RGS12: variants seen among roughly 807,000 people sequenced by gnomAD.
The protein encoded by RGS12 is regulator of G-protein signaling 12.
In RGS12, 66 loss-of-function variants were observed where a neutral mutation model predicts 120.1. That is an observed-to-expected ratio of 0.55 (90% CI 0.45 to 0.67). The LOEUF is 0.67. RGS12 is among the 30% of genes least tolerant of loss of function. RGS12 has a pLI of 0.00. For missense variants in RGS12, 1,859 were observed against 1,957.7 expected (o/e 0.95, Z 0.95); for synonymous variants, 827 against 804.7 (o/e 1.03, Z -0.47).
At chr4:3,288,117 C>T (rs1050897682), upstream of RGS12, among the ~76,000 whole-genome samples, 18 of 152,234 alleles carry the variant, frequency 1.2e-4, no homozygotes, top group African/African-American at 2.9e-4. This position sits in a 1 kb window ranked among gnomAD's most constrained non-coding sequence, Gnocchi z 5.2. Context: ...TTGCTCTGAG[C>T]GCACACAAGG....
intron 2 of RGS12, among the ~76,000 whole-genome samples, chr4:3,328,619 G>T (rs566128313): frequency 6.6e-6 from 1 of 152,262 alleles, no homozygotes; most frequent in East Asian, 1.9e-4. Context: ...ATAGCAACAG[G>T]AAATGGACTA....
At chr4:3,323,183 G>A (rs900257222) in intron 2 of RGS12, among the ~76,000 whole-genome samples, 1 of 152,254 alleles carries the variant, frequency 6.6e-6, no homozygotes, top group South Asian at 2.1e-4. Context: ...GCACCAGGCT[G>A]GGGGGCCTCT....
upstream of RGS12, among the ~76,000 whole-genome samples, chr4:3,288,125 A>G (rs572894674): frequency 1.3e-5 from 2 of 152,302 alleles, no homozygotes; most frequent in African/African-American, 4.8e-5. This position sits in a 1 kb window ranked among gnomAD's most constrained non-coding sequence, Gnocchi z 5.2. Flanking sequence ...AGCGCACACA[A>G]GGATTCGATG....
chr4:3,323,943 A>G (rs1725384873), intron 2 of RGS12: 1 of 151,442 alleles, frequency 6.6e-6, no homozygotes. Flanking sequence ...AATTTGTGTT[A>G]TTTTGATGTA....
chr4:3,376,247 AAC>A (rs55666879), intron 3 of RGS12, among the ~76,000 whole-genome samples: 7,951 of 143,312 alleles, frequency 0.055, 255 homozygotes, highest in African/African-American at 0.1. Flanking sequence ...AGCTCCTTGG[AAC>A]ACACACACAC....
At chr4:3,432,405 G>A (rs559480850) in intron 17 of RGS12, among the ~76,000 whole-genome samples, 304 of 152,364 alleles carry the variant, frequency 2.0e-3, no homozygotes, top group African/African-American at 6.9e-3. Context: ...TGGTGGCCCG[G>A]TGGCGGGTGC....
chr4:3,356,050 AT>A (rs35966486), intron 3 of RGS12, among the ~76,000 whole-genome samples: 60,851 of 123,326 alleles, frequency 0.49, 14,682 homozygotes, highest in African/African-American at 0.63. Flanking sequence ...ATCTTTTTCA[AT>A]TTTTTTTTTT....
chr4:3,291,876 C>G (rs1005861366), upstream of RGS12, among the ~76,000 whole-genome samples: 8 of 152,342 alleles, frequency 5.3e-5, no homozygotes, highest in African/African-American at 1.9e-4. Flanking sequence ...CCAGCGGGAA[C>G]CCTGCTGGAC....
At chr4:3,362,863 G>A (rs867073316) in intron 3 of RGS12, among the ~76,000 whole-genome samples, 11 of 125,212 alleles carry the variant, frequency 8.8e-5, no homozygotes, top group Admixed American at 1.6e-4. Flanking sequence ...GTGTGTGTGT[G>A]CGAGGGTGTG....
intron 4 of RGS12, among the ~76,000 whole-genome samples, chr4:3,405,666 T>A (rs923845905): frequency 6.6e-6 from 1 of 152,184 alleles, no homozygotes; most frequent in Admixed American, 6.5e-5. Context: ...AAATCTACAC[T>A]GACGTGTTTA....
intron 3 of RGS12, among the ~76,000 whole-genome samples, chr4:3,356,666 C>T (rs1578805882): frequency 6.6e-6 from 1 of 151,832 alleles, no homozygotes; most frequent in Admixed American, 6.6e-5. Flanking sequence ...TTGTAACTGG[C>T]TTATTTCACT....
chr4:3,327,921 C>T (rs1725671445), intron 2 of RGS12, among the ~76,000 whole-genome samples: 1 of 152,168 alleles, frequency 6.6e-6, no homozygotes, highest in African/African-American at 2.4e-5. Flanking sequence ...ATCATTATAT[C>T]AAAAAGATAC....
rs1725174949 is a variant in RGS12, at chr4:3,439,871, C to A, written c.*187C>A. On this transcript the variant is annotated 3_prime_UTR_variant, in exon 18 of 18. Transcript: ENST00000336727. The stretch of plus-strand genomic sequence containing the variant: ...CCATGCTGGCCATGGGGCTCCCTGG[C>A]CCTGGCCTCCTGCTGCCCAATAAAG... 1.8e-6 allele frequency: 1 copy of A among 557,074 alleles called. No homozygotes were observed. Among genetic ancestry groups the A allele is most frequent in the East Asian group, 3.3e-5 (1 of 30,682 alleles). 34.5% of individuals were successfully genotyped at this position (557,074 alleles called of 1,614,324 possible).
At position 3,365,704 on chromosome 4, in the gene RGS12, T is replaced by C. The variant is rs1441268755; in HGVS notation, c.1999-20712T>C. Among the ~76,000 whole-genome samples, 3 of 152,224 alleles carry C rather than the reference T, an allele frequency of 2.0e-5. No individual in the cohort carries two copies. Among genetic ancestry groups the C allele is most frequent in the African/African-American group, 7.2e-5 (3 of 41,452 alleles). On this transcript the variant is annotated intron_variant, in intron 3 of 17. Coordinates refer to ENST00000336727, the MANE Select transcript of RGS12 (RefSeq NM_001394154.1). The surrounding 1 kb of genome is among the most constrained non-coding windows in gnomAD (Gnocchi z 4.0). The stretch of plus-strand genomic sequence containing the variant: ...CTTTCAGAATAAGCTCCTTTTACCC[T>C]GTCTCTTAGGTTTGCGACTTTGCTA...
intron 1 of RGS12, among the ~76,000 whole-genome samples, chr4:3,309,007 A>C (rs1403845205): frequency 1.4e-5 from 2 of 147,120 alleles, no homozygotes; most frequent in Admixed American, 1.3e-4. Flanking sequence ...GGAACCGGGC[A>C]GGGGAGGAGC....
rs2281470 is a variant in RGS12, at chr4:3,317,826, C to T, written c.1656C>T (p.Ser552=). The T allele has an allele frequency of 0.088, 141,656 of 1,612,872 alleles. 9,055 individuals carry two copies. The highest frequency in any genetic ancestry group is 0.34 in the East Asian group (15,223 of 44,816). The change falls in exon 2 of 18, where the codon AGC becomes AGT. Residue 552 remains serine, a synonymous_variant. Coordinates refer to ENST00000336727, the MANE Select transcript of RGS12 (RefSeq NM_001394154.1). ...VLREWQCGHT[S]DQDSYTDSTD... Reference sequence around the variant, plus strand: ...GGGAGTGGCAGTGCGGACACACCAGCGACCAGGACTCTTACACAGATTCCA... The same window carrying T: ...GGGAGTGGCAGTGCGGACACACCAGTGACCAGGACTCTTACACAGATTCCA...
chr4:3,393,313 G>A (rs1207205517), intron 4 of RGS12, among the ~76,000 whole-genome samples: 2 of 152,204 alleles, frequency 1.3e-5, no homozygotes, highest in Non-Finnish European at 2.9e-5. Context: ...GCAGCCCCCG[G>A]CTGATCTTTG....
At position 3,416,900 on chromosome 4, in the gene RGS12, ATCT is replaced by A; in HGVS notation, c.2428-9_2428-7del. On this transcript the variant is annotated splice_polypyrimidine_tract_variant and intron_variant, in intron 7 of 17. Transcript: ENST00000336727. ...CCCTCCTGTGACTGTCCCACCTTAC[ATCT>A]TCTCCCCAGATCTTCAATCTCATGA... 1 of 1,585,266 alleles carries A rather than the reference ATCT, an allele frequency of 6.3e-7. No homozygotes were observed. The highest frequency in any genetic ancestry group is 8.6e-7 in the Non-Finnish European group (1 of 1,158,592).
chr4:3,416,966 G>A lies in RGS12; in HGVS notation c.2481G>A (p.Leu827=), dbSNP rs755519434. Residue 827 remains leucine (L), a synonymous_variant, in exon 8 of 18, where the codon CTG becomes CTA. Coordinates refer to ENST00000336727, the MANE Select transcript of RGS12 (RefSeq NM_001394154.1). The stretch of plus-strand genomic sequence containing the variant: ...ACACTCGCTTTCTGAAGTCCCCGCT[G>A]TACCAGGAATGCATCCTGGCGGAAG... ...DSYTRFLKSP[L]YQECILAEVE... 6.2e-6 allele frequency: 10 copies of A among 1,612,838 alleles called. No individual in the cohort carries two copies. In the African/African-American group the frequency reaches 1.2e-4, roughly 19 times the overall value.
Sources: allele counts gnomAD v4.1 joint callset (sites outside exome capture counted in the v4.1 genomes callset), GRCh38; gene constraint gnomAD v4.1.1; non-coding constraint Gnocchi (gnomAD v3.1); transcripts MANE v1.5; gene names NCBI Gene and HGNC (gene_info 2026-07-23, HGNC 2026-07-21).